Variants in AFF3 observed in about 807,000 individuals in gnomAD.
The protein encoded by AFF3 is AF4/FMR2 family member 3.
In AFF3, 32 loss-of-function variants were observed where a neutral mutation model predicts 129.7. That is an observed-to-expected ratio of 0.25 (90% CI 0.19 to 0.33). AFF3 has a LOEUF of 0.33. AFF3 is among the 10% of genes least tolerant of loss of function. AFF3 has a pLI of 1.00. For synonymous variants in AFF3, 644 were observed against 635.4 expected, an observed-to-expected ratio of 1.01 and a Z score of -0.20; for missense variants, 1,373 against 1,592.0, an observed-to-expected ratio of 0.86 and a Z score of 2.34.
At chr2:99,858,710 G>A (rs933594956) in intron 7 of AFF3, among the ~76,000 whole-genome samples, 1 of 152,136 alleles carries the variant, frequency 6.6e-6, no homozygotes, top group African/African-American at 2.4e-5. Context: ...GAGAACACAT[G>A]GACACATAGA....
chr2:99,608,089 T>G (rs531698455), intron 13 of AFF3, among the ~76,000 whole-genome samples: 25 of 152,360 alleles, frequency 1.6e-4, no homozygotes, highest in Non-Finnish European at 3.4e-4. Flanking sequence ...GGGTCTGGTC[T>G]CAATCAGATT....
chr2:99,702,645 T>G (rs1676975134), intron 11 of AFF3, among the ~76,000 whole-genome samples: 1 of 152,180 alleles, frequency 6.6e-6, no homozygotes, highest in Non-Finnish European at 1.5e-5. Flanking sequence ...GGCCTTAAGT[T>G]GTATTTGCTA....
chr2:99,829,172 A>C (rs1351289327), intron 8 of AFF3, among the ~76,000 whole-genome samples: 1 of 152,222 alleles, frequency 6.6e-6, no homozygotes, highest in Non-Finnish European at 1.5e-5. Context: ...AGCTATGCAT[A>C]CATTAAGAAA....
At chr2:99,998,067 A>T (rs1559043347) in intron 7 of AFF3, among the ~76,000 whole-genome samples, 1 of 152,128 alleles carries the variant, frequency 6.6e-6, no homozygotes, top group South Asian at 2.1e-4. Flanking sequence ...TAGGTAGGCT[A>T]TGGTGACACA....
chr2:99,631,361 A>G (rs1434124655), intron 13 of AFF3, among the ~76,000 whole-genome samples: 2 of 152,238 alleles, frequency 1.3e-5, no homozygotes, highest in African/African-American at 4.8e-5. Context: ...CAATATAAAA[A>G]TAACCATTTT....
intron 7 of AFF3, among the ~76,000 whole-genome samples, chr2:99,871,682 C>T (rs1016070844): frequency 6.6e-6 from 1 of 152,048 alleles, no homozygotes; most frequent in African/African-American, 2.4e-5. Flanking sequence ...ACTTTAAAAA[C>T]TCTGTCACAT....
chr2:100,064,502 C>T (rs1404966454), intron 4 of AFF3, among the ~76,000 whole-genome samples: 1 of 152,176 alleles, frequency 6.6e-6, no homozygotes, highest in Non-Finnish European at 1.5e-5. Context: ...ATCTGAATTG[C>T]TACTAAATTA....
intron 7 of AFF3, among the ~76,000 whole-genome samples, chr2:99,953,268 T>C (rs6708436): frequency 0.051 from 7,733 of 152,220 alleles, 654 homozygotes; most frequent in African/African-American, 0.17. Flanking sequence ...AACTCTAGAT[T>C]GGGCATCTCT....
rs749369290 is a variant in AFF3 at position 99,594,071 on chromosome 2, C to T, written c.1590G>A (p.Glu530=). Residue 530 remains glutamate (E), a synonymous_variant, in exon 15 of 25, where the codon GAG becomes GAA. Coordinates refer to ENST00000672756, the MANE Select transcript of AFF3 (RefSeq NM_001386135.1). ...CCTTGTTGGCTGTCCTTGGCCTTTGCTCCTCCTTGCAAGTGCTCTTGATCT... is the reference window on the plus strand; with the variant it reads ...CCTTGTTGGCTGTCCTTGGCCTTTGTTCCTCCTTGCAAGTGCTCTTGATCT... ...EKEIKSTCKE[E]QRPRTANKAP... The T allele has an allele frequency of 6.2e-7, 1 of 1,613,712 alleles. No individual in the cohort carries two copies. The highest frequency in any genetic ancestry group is 1.1e-5 in the South Asian group (1 of 91,022).
At chr2:99,564,721 T>C (rs1675806313) in intron 20 of AFF3, among the ~76,000 whole-genome samples, 2 of 152,194 alleles carry the variant, frequency 1.3e-5, no homozygotes, top group South Asian at 4.1e-4. Flanking sequence ...TGGTGGAAAA[T>C]GTCTAAGCTT....
chr2:99,945,046 G>C (rs1224333432), intron 7 of AFF3, among the ~76,000 whole-genome samples: 3 of 152,144 alleles, frequency 2.0e-5, no homozygotes, highest in Admixed American at 1.3e-4. Flanking sequence ...AGTAACAAAG[G>C]CATGACCTGC....
intron 9 of AFF3, among the ~76,000 whole-genome samples, chr2:99,748,612 T>C (rs1413339575): frequency 6.6e-6 from 1 of 152,172 alleles, no homozygotes; most frequent in Non-Finnish European, 1.5e-5. Flanking sequence ...CATTCTTCCT[T>C]CGAGGCTCTG....
At chr2:99,759,203 G>C (rs943977991) in intron 8 of AFF3, among the ~76,000 whole-genome samples, 1 of 150,764 alleles carries the variant, frequency 6.6e-6, no homozygotes, top group African/African-American at 2.4e-5. Flanking sequence ...TCTGTTTTGT[G>C]TTATAGTTTT....
chr2:99,810,816 C>G (rs570214423), intron 8 of AFF3, among the ~76,000 whole-genome samples: 1 of 152,318 alleles, frequency 6.6e-6, no homozygotes, highest in East Asian at 1.9e-4. Context: ...AGGGGAAACT[C>G]TGTTCTTGCT....
chr2:99,932,863 A>C (rs1374996409), intron 7 of AFF3, among the ~76,000 whole-genome samples: 1 of 152,150 alleles, frequency 6.6e-6, no homozygotes, highest in Admixed American at 6.5e-5. Flanking sequence ...CATAGTTTCC[A>C]ATTAACTTTT....
intron 12 of AFF3, among the ~76,000 whole-genome samples, chr2:99,658,611 T>G (rs1330407411): frequency 6.6e-6 from 1 of 152,186 alleles, no homozygotes; most frequent in Non-Finnish European, 1.5e-5. Context: ...ATAGAAAATA[T>G]TTTATATTAA....
chr2:99,632,581 C>T (rs564461592), intron 13 of AFF3, among the ~76,000 whole-genome samples: 8 of 152,082 alleles, frequency 5.3e-5, no homozygotes, highest in Non-Finnish European at 8.8e-5. Context: ...GACCAGAGCG[C>T]CAGGCTTCGT....
intron 8 of AFF3, among the ~76,000 whole-genome samples, chr2:99,774,518 CT>C (rs1165421116): frequency 5.9e-5 from 9 of 152,108 alleles, no homozygotes; most frequent in African/African-American, 1.7e-4. Flanking sequence ...ATAAATTGTG[CT>C]GAGAGAACTG....
chr2:99,965,147 T>G (rs185832197), intron 7 of AFF3, among the ~76,000 whole-genome samples: 1 of 152,178 alleles, frequency 6.6e-6, no homozygotes, highest in Non-Finnish European at 1.5e-5. Flanking sequence ...AATACACAAA[T>G]TTTCAAAAAA....
Sources: gnomAD v4.1 joint callset for allele counts (sites outside exome capture counted in the v4.1 genomes callset) on GRCh38, gnomAD v4.1.1 for gene constraint, MANE v1.5 for transcripts, NCBI Gene and HGNC (gene_info 2026-07-23, HGNC 2026-07-21) for gene names.